MTHFD1: variants seen among roughly 807,000 people sequenced by gnomAD.
The protein encoded by MTHFD1 is methylenetetrahydrofolate dehydrogenase, cyclohydrolase and formyltetrahydrofolate synthetase 1, also known as C-1-tetrahydrofolate synthase, cytoplasmic.
In MTHFD1, 44 loss-of-function variants were observed where a neutral mutation model predicts 110.3. The observed-to-expected ratio is 0.40, with a 90% CI of 0.31 to 0.51. The LOEUF (loss-of-function observed/expected upper bound fraction) is 0.51, where lower values mean the gene tolerates loss of function less well. Ranked by LOEUF, MTHFD1 falls within the 20% of genes least tolerant of loss-of-function variation. The pLI is 0.60. For synonymous variants in MTHFD1, 402 were observed against 428.8 expected (o/e 0.94, Z 0.77); for missense variants, 909 against 1,173.1 (o/e 0.77, Z 3.29).
intron 1 of MTHFD1, among the ~76,000 whole-genome samples, chr14:64,392,240 C>T (rs1343538577): frequency 1.3e-5 from 2 of 152,258 alleles, no homozygotes; most frequent in East Asian, 1.9e-4. Flanking sequence ...AGAAGCTGAC[C>T]GAGTGGAGGC....
rs2078245573 is a variant in MTHFD1, at chr14:64,441,379, T to C, written c.1816-6T>C. 3.1e-6 allele frequency: 5 copies of C among 1,613,790 alleles called. No individual in the cohort carries two copies. The highest frequency in any genetic ancestry group is 1.3e-5 in the African/African-American group (1 of 74,864). On this transcript the variant is annotated splice_polypyrimidine_tract_variant and splice_region_variant and intron_variant, in intron 18 of 27. Coordinates refer to ENST00000652337, the MANE Select transcript of MTHFD1 (RefSeq NM_005956.4). ...GGAGTTGATGCTGCACACATTTGTT[T>C]TGTAGGGGGTGAGTGGTGCACTGAC...
Position 64,415,399 on chromosome 14 carries a change from A to G in MTHFD1, c.282A>G (p.Val94=). The part of the protein sequence containing the change: ...YITSLNEDST[V]HGFLVQLPLD... ...CATCTTTGAATGAAGACTCTACTGT[A>G]CATGGGTTCTTAGTGCAGCTACCTT... is the stretch of plus-strand genomic sequence containing the variant. Residue 94 remains valine (V), a synonymous_variant, in exon 5 of 28, where the codon GTA becomes GTG. Coordinates refer to ENST00000652337, the MANE Select transcript of MTHFD1 (RefSeq NM_005956.4). 1 of 1,611,910 alleles carries G rather than the reference A, an allele frequency of 6.2e-7. No homozygotes were observed. The highest frequency in any genetic ancestry group is 1.1e-5 in the South Asian group (1 of 91,038).
At chr14:64,447,900 T>C (rs1234167561) in intron 22 of MTHFD1, among the ~76,000 whole-genome samples, 1 of 152,160 alleles carries the variant, frequency 6.6e-6, no homozygotes, top group Admixed American at 6.5e-5. Context: ...GGGTAACTAA[T>C]TCCTTTCAAA....
chr14:64,406,676 T>A lies in MTHFD1; in HGVS notation c.127-4414T>A, dbSNP rs79663282. Among the ~76,000 whole-genome samples the A allele has an allele frequency of 1.3e-3, 193 of 152,078 alleles. 1 individual carries two copies. The highest frequency in any genetic ancestry group is 4.2e-3 in the African/African-American group (175 of 41,502). ...TAGTATTTGAGACAGAATTTCTCCA[T>A]ATTGCCCAGGCTAGTCTCAGACTGA... On this transcript the variant is annotated intron_variant, in intron 2 of 27. Coordinates refer to ENST00000652337, the MANE Select transcript of MTHFD1 (RefSeq NM_005956.4).
chr14:64,441,226 A>C, intron 18 of MTHFD1, 159 bp from the exon 19 acceptor site: 1 of 736,468 alleles, frequency 1.4e-6, no homozygotes, highest in Non-Finnish European at 2.5e-6. Flanking sequence ...GCAACTTCAT[A>C]GCATATCCAG....
intron 22 of MTHFD1, among the ~76,000 whole-genome samples, chr14:64,446,243 T>C (rs1596554911): frequency 6.6e-6 from 1 of 152,244 alleles, no homozygotes; most frequent in Non-Finnish European, 1.5e-5. Context: ...TCATGAATTA[T>C]ATACATGTAT....
intron 27 of MTHFD1, 117 bp from the exon 28 acceptor site, chr14:64,459,642 G>A: frequency 1.2e-6 from 1 of 826,022 alleles, no homozygotes; most frequent in Non-Finnish European, 1.8e-6. Context: ...TGGCAGGAAA[G>A]GATGTAAATG....
chr14:64,444,964 C>A, intron 22 of MTHFD1: 1 of 554,046 alleles, frequency 1.8e-6, no homozygotes. Flanking sequence ...CTGCCCTAGA[C>A]CAGTGGTTGA....
chr14:64,431,704 G>A (rs575297494), intron 14 of MTHFD1, 65 bp downstream of exon 14: 1 of 1,594,010 alleles, frequency 6.3e-7, no homozygotes, highest in East Asian at 2.2e-5. Flanking sequence ...ATCTGAATTA[G>A]TGTTGGTGTC....
chr14:64,395,576 GCCTTAACCAGT>G (rs1323999002), intron 1 of MTHFD1, among the ~76,000 whole-genome samples: 1 of 152,176 alleles, frequency 6.6e-6, no homozygotes, highest in Non-Finnish European at 1.5e-5. Context: ...ATTTTATAAA[GCCTTAACCAGT>G]CCAACCTAGT....
chr14:64,412,350 A>C, intron 3 of MTHFD1, 122 bp from the exon 4 acceptor site: 1 of 770,256 alleles, frequency 1.3e-6, no homozygotes, highest in Non-Finnish European at 2.3e-6. Flanking sequence ...CTCATTCTTC[A>C]GAACATATAA....
intron 24 of MTHFD1, among the ~76,000 whole-genome samples, chr14:64,451,612 C>T (rs1425218694): frequency 6.6e-6 from 1 of 152,250 alleles, no homozygotes; most frequent in Non-Finnish European, 1.5e-5. Context: ...GGCTCCAATG[C>T]ATAGCACCCA....
At chr14:64,419,555 T>C (rs1425663578) in intron 7 of MTHFD1, among the ~76,000 whole-genome samples, 1 of 152,200 alleles carries the variant, frequency 6.6e-6, no homozygotes, top group African/African-American at 2.4e-5. Flanking sequence ...GCCTTGCAGG[T>C]TGACACTGAT....
At chr14:64,425,920 G>A in intron 10 of MTHFD1, 93 bp downstream of exon 10, 1 of 1,546,642 alleles carries the variant, frequency 6.5e-7, no homozygotes, top group Non-Finnish European at 8.9e-7. Flanking sequence ...CTCTGAAGGT[G>A]CCTTCAGTGG....
intron 1 of MTHFD1, 69 bp downstream of exon 1, chr14:64,388,537 G>A (rs1431954311): frequency 2.0e-6 from 3 of 1,476,454 alleles, no homozygotes; most frequent in East Asian, 4.5e-5. Flanking sequence ...CAGGTCCCCC[G>A]GACCCATTTT....
intron 16 of MTHFD1, among the ~76,000 whole-genome samples, chr14:64,438,304 A>G (rs887094792): frequency 6.6e-5 from 10 of 152,218 alleles, no homozygotes; most frequent in African/African-American, 9.6e-5. Context: ...GAGACCTACC[A>G]TAAGTAACTT....
At chr14:64,455,207 G>A (rs1343295531) in intron 26 of MTHFD1, 7 of 359,974 alleles carry the variant, frequency 1.9e-5, no homozygotes, top group Non-Finnish European at 3.2e-5. Context: ...CACAGTTAAT[G>A]TTTATTGGGA....
intron 1 of MTHFD1, among the ~76,000 whole-genome samples, chr14:64,398,029 A>G (rs1051194263): frequency 6.6e-6 from 1 of 152,148 alleles, no homozygotes; most frequent in Non-Finnish European, 1.5e-5. Context: ...GTATTAGGCT[A>G]TGCCCAGCAC....
At chr14:64,410,035 GAGA>G (rs1277506840) in intron 2 of MTHFD1, among the ~76,000 whole-genome samples, 1 of 152,192 alleles carries the variant, frequency 6.6e-6, no homozygotes, top group African/African-American at 2.4e-5. Flanking sequence ...TATCAACCTT[GAGA>G]AGGAGAAATA....
Sources: gnomAD v4.1 joint callset for allele counts (sites outside exome capture counted in the v4.1 genomes callset) on GRCh38, gnomAD v4.1.1 for gene constraint, MANE v1.5 for transcripts, NCBI Gene and HGNC (gene_info 2026-07-23, HGNC 2026-07-21) for gene names.